Variants in ARFGEF3 observed in about 807,000 individuals in gnomAD.
ARFGEF3 encodes the protein brefeldin A-inhibited guanine nucleotide-exchange protein 3.
A neutral mutation model predicts 221.7 loss-of-function variants in ARFGEF3; 96 were observed. That is an observed-to-expected ratio of 0.43 (90% confidence interval 0.37 to 0.51). The LOEUF is 0.51. Ranked by LOEUF, ARFGEF3 falls within the 20% of genes least tolerant of loss-of-function variation. The pLI is 0.00. For synonymous variants in ARFGEF3, 1,145 were observed against 1,126.8 expected (o/e 1.02, Z -0.32); for missense variants, 2,410 against 2,789.9 (o/e 0.86, Z 3.07).
At position 138,262,729 on chromosome 6, in the gene ARFGEF3, A is replaced by G. The variant is rs771307268; in HGVS notation, c.1246A>G (p.Ile416Val). The change falls in exon 12 of 34, where the codon ATC becomes GTC. Residue 416 changes from isoleucine (I) to valine (V), a missense_variant. Ile to Val is a conservative substitution (Grantham distance 29). This residue lies in a region of ARFGEF3 where 570 missense variants were observed against 586.9 expected (regional missense o/e 0.97). Coordinates refer to ENST00000251691, the MANE Select transcript of ARFGEF3 (RefSeq NM_020340.5). The part of the protein sequence containing the change: ...LIMDGMTEAC[I>V]KGGIEACYAA... Reference sequence around the variant, plus strand: ...CATGGATGGCATGACCGAAGCATGCATCAAGGGTGGCATCGAAGCTTGCTA... The same window carrying G: ...CATGGATGGCATGACCGAAGCATGCGTCAAGGGTGGCATCGAAGCTTGCTA... The G allele has an allele frequency of 2.5e-5, 41 of 1,609,060 alleles. No individual in the cohort carries two copies. Among genetic ancestry groups the G allele is most frequent in the Non-Finnish European group, 3.5e-5 (41 of 1,175,906 alleles).
At chr6:138,209,600 C>T (rs1443619897) in intron 3 of ARFGEF3, among the ~76,000 whole-genome samples, 1 of 152,088 alleles carries the variant, frequency 6.6e-6, no homozygotes, top group East Asian at 1.9e-4. Context: ...CAGGCACCCG[C>T]CACCACGCCT....
At chr6:138,225,641 C>T (rs1289483101) in intron 4 of ARFGEF3, among the ~76,000 whole-genome samples, 2 of 152,106 alleles carry the variant, frequency 1.3e-5, no homozygotes, top group African/African-American at 2.4e-5. Flanking sequence ...TGAATAATGA[C>T]TGGAATTGAA....
intron 25 of ARFGEF3, 34 bp downstream of exon 25, chr6:138,311,544 G>T: frequency 6.9e-7 from 1 of 1,458,190 alleles, no homozygotes; most frequent in East Asian, 2.4e-5. Flanking sequence ...TCCCGGCCTG[G>T]AAACCTGCCT....
intron 29 of ARFGEF3, among the ~76,000 whole-genome samples, chr6:138,323,147 A>G (rs538972147): frequency 2.0e-5 from 3 of 152,274 alleles, no homozygotes; most frequent in Admixed American, 6.5e-5. Context: ...TGATTGGCCT[A>G]TTTGTAGAGG....
intron 4 of ARFGEF3, among the ~76,000 whole-genome samples, chr6:138,219,664 A>G (rs1243232200): frequency 6.6e-6 from 1 of 152,158 alleles, no homozygotes; most frequent in Non-Finnish European, 1.5e-5. Context: ...GGAAAGCCCA[A>G]GTTGCCTGCA....
Position 138,162,150 on chromosome 6 carries a change from G to A in ARFGEF3, c.64G>A (p.Glu22Lys), listed in dbSNP as rs754302837. The A allele has an allele frequency of 4.4e-6, 7 of 1,603,480 alleles. No individual in the cohort carries two copies. The Admixed American group carries it at 5.0e-5, about 12-fold the overall frequency. ...ASGSKYKAIK[E>K]SCTWALETLG... ...CGGGAGCAAGTACAAAGCCATCAAG[G>A]AGAGCTGCACCTGGGCCCTGGGTAA... Residue 22 changes from glutamate to lysine, a missense_variant, in exon 1 of 34, where the codon GAG becomes AAG. Glu to Lys is a moderately conservative substitution (Grantham distance 56). Around this residue, in one of 5 missense-constraint regions of ARFGEF3, gnomAD observed 570 missense variants for 586.9 expected, o/e 0.97. Coordinates refer to ENST00000251691, the MANE Select transcript of ARFGEF3 (RefSeq NM_020340.5). The surrounding 1 kb of genome is among the most constrained non-coding windows in gnomAD (Gnocchi z 4.7).
intron 20 of ARFGEF3, among the ~76,000 whole-genome samples, chr6:138,294,927 G>A (rs1260703498): frequency 6.6e-6 from 1 of 152,190 alleles, no homozygotes; most frequent in Non-Finnish European, 1.5e-5. Context: ...AGTTCTAAGT[G>A]TAGTATATTT....
intron 2 of ARFGEF3, among the ~76,000 whole-genome samples, chr6:138,204,672 A>T (rs1381896386): frequency 6.6e-6 from 1 of 152,228 alleles, no homozygotes; most frequent in Non-Finnish European, 1.5e-5. Flanking sequence ...CATATTATCT[A>T]CATATTATAC....
At chr6:138,163,945 G>A (rs1776669285) in intron 1 of ARFGEF3, among the ~76,000 whole-genome samples, 1 of 152,182 alleles carries the variant, frequency 6.6e-6, no homozygotes. Context: ...GTGAGCTGGT[G>A]GGGCTTTTGA....
intron 29 of ARFGEF3, among the ~76,000 whole-genome samples, chr6:138,322,279 G>A (rs1780045524): frequency 6.6e-6 from 1 of 152,136 alleles, no homozygotes; most frequent in South Asian, 2.1e-4. Flanking sequence ...GACTTGGACT[G>A]CAACTATACG....
At chr6:138,326,834 A>G (rs762808488) in intron 31 of ARFGEF3, among the ~76,000 whole-genome samples, 1 of 152,232 alleles carries the variant, frequency 6.6e-6, no homozygotes, top group Admixed American at 6.5e-5. Context: ...AGAACTATTT[A>G]CAATAACAAA....
At chr6:138,206,340 CTCCTT>C (rs1777624302) in intron 2 of ARFGEF3, among the ~76,000 whole-genome samples, 1 of 142,020 alleles carries the variant, frequency 7.0e-6, no homozygotes, top group African/African-American at 2.6e-5. Context: ...CCAAATATCT[CTCCTT>C]TTTTTTTTTT....
chr6:138,260,773 T>A (rs910859998), intron 10 of ARFGEF3, among the ~76,000 whole-genome samples: 40 of 151,762 alleles, frequency 2.6e-4, no homozygotes, highest in African/African-American at 9.4e-4. Context: ...TCAAGAGCAA[T>A]AAAAATTTCA....
In ARFGEF3 at chr6:138,338,873, C is replaced by T. The variant is rs1411240564; in HGVS notation, c.*2387C>T. The T allele has an allele frequency of 1.3e-5, 2 of 152,052 alleles. No homozygotes were observed. Among genetic ancestry groups the T allele is most frequent in the Non-Finnish European group, 2.9e-5 (2 of 68,040 alleles). The allele number at this position is 152,052 out of a possible 1,614,324, so 9.4% of individuals were successfully genotyped here. A position where few individuals can be genotyped will look rare whatever the true frequency, so the allele number is the denominator to read the frequency against. ...TTGTTTGTTTGGAAATCAGCATTCT[C>T]CCCGATGCTCTATTATGGGATCCAA... On this transcript the variant is annotated 3_prime_UTR_variant, in exon 34 of 34. Transcript: ENST00000251691.
At chr6:138,250,268 A>G (rs1219756411) in intron 8 of ARFGEF3, among the ~76,000 whole-genome samples, 1 of 152,180 alleles carries the variant, frequency 6.6e-6, no homozygotes, top group African/African-American at 2.4e-5. Flanking sequence ...TGCCTTGGAG[A>G]TGTGGTATTA....
chr6:138,263,406 G>A lies in ARFGEF3; in HGVS notation c.1923G>A (p.Glu641=). The change falls in exon 12 of 34, where the codon GAG becomes GAA. Residue 641 remains glutamate (E), a synonymous_variant. Transcript: ENST00000251691. ...GSDNCSLADE[E]QTPRDCLGHR... The stretch of plus-strand genomic sequence containing the variant: ...ACAACTGTTCACTAGCCGATGAAGA[G>A]CAGACACCCCGGGACTGCCTAGGCC... The A allele has an allele frequency of 3.1e-6, 5 of 1,614,010 alleles. No homozygotes were observed. The highest frequency in any genetic ancestry group is 4.2e-6 in the Non-Finnish European group (5 of 1,179,896).
chr6:138,173,243 A>G (rs1288520347), intron 2 of ARFGEF3, among the ~76,000 whole-genome samples: 1 of 152,194 alleles, frequency 6.6e-6, no homozygotes, highest in African/African-American at 2.4e-5. Flanking sequence ...AAATTTTAAT[A>G]ATTCAAGTAT....
chr6:138,276,632 G>A (rs1213996465), intron 12 of ARFGEF3, among the ~76,000 whole-genome samples: 1 of 151,726 alleles, frequency 6.6e-6, no homozygotes, highest in Non-Finnish European at 1.5e-5. Flanking sequence ...CAGTTTACCT[G>A]CTTAAAGTGC....
At chr6:138,228,759 C>T (rs556086416) in intron 4 of ARFGEF3, among the ~76,000 whole-genome samples, 1 of 152,316 alleles carries the variant, frequency 6.6e-6, no homozygotes, top group South Asian at 2.1e-4. Flanking sequence ...AGTAAATTTG[C>T]TAGGCTTCCA....
Sources: gnomAD v4.1 joint callset for allele counts (sites outside exome capture counted in the v4.1 genomes callset) on GRCh38, gnomAD v4.1.1 for gene constraint, gnomAD v4.1.1 regional missense constraint, Gnocchi (gnomAD v3.1) non-coding constraint, MANE v1.5 for transcripts, NCBI Gene and HGNC (gene_info 2026-07-23, HGNC 2026-07-21) for gene names.